CADPS2: variants seen among roughly 807,000 people sequenced by gnomAD.
CADPS2 encodes the protein calcium dependent secretion activator 2.
In CADPS2, 93 loss-of-function variants were observed where a neutral mutation model predicts 172.5. The ratio of observed to expected loss-of-function variants is 0.54; its 90% CI spans 0.46 to 0.64. The LOEUF is 0.64. Ranked by LOEUF, CADPS2 falls within the 30% of genes least tolerant of loss-of-function variation. The pLI is 0.00. For synonymous variants in CADPS2, 546 were observed against 555.2 expected (o/e 0.98, Z 0.23); for missense variants, 1,420 against 1,565.9 (o/e 0.91, Z 1.57).
chr7:122,698,813 C>T (rs763907543), intron 2 of CADPS2: 1 of 1,613,770 alleles, frequency 6.2e-7, no homozygotes, highest in Non-Finnish European at 8.5e-7. Flanking sequence ...ATCCAAACAA[C>T]ACTTGCTCTG....
At chr7:122,801,487 C>G (rs1396354518) in intron 1 of CADPS2, among the ~76,000 whole-genome samples, 1 of 152,146 alleles carries the variant, frequency 6.6e-6, no homozygotes, top group East Asian at 1.9e-4. Flanking sequence ...GAACAGTATT[C>G]AAGGTCCTTC....
intron 1 of CADPS2, among the ~76,000 whole-genome samples, chr7:122,836,310 A>G (rs1584784935): frequency 6.6e-6 from 1 of 152,350 alleles, no homozygotes; most frequent in East Asian, 1.9e-4. Context: ...AAACAGCACC[A>G]GCCACTGCAA....
chr7:122,622,500 T>C (rs1013736936), intron 4 of CADPS2, among the ~76,000 whole-genome samples: 1 of 152,300 alleles, frequency 6.6e-6, no homozygotes, highest in Non-Finnish European at 1.5e-5. Flanking sequence ...AAAAGGATGT[T>C]CCAAATATTG....
intron 14 of CADPS2, among the ~76,000 whole-genome samples, chr7:122,468,396 G>A (rs762034094): frequency 1.3e-5 from 2 of 152,156 alleles, no homozygotes; most frequent in Non-Finnish European, 2.9e-5. Flanking sequence ...CTCACAAGGA[G>A]AGGTTGCCAA....
Position 122,656,244 on chromosome 7 carries a change from A to G in CADPS2, c.786+6993T>C, listed in dbSNP as rs139012080. Among the ~76,000 whole-genome samples, 521 of 152,260 alleles carry G rather than the reference A, an allele frequency of 3.4e-3. 1 individual carries two copies. Among genetic ancestry groups the G allele is most frequent in the African/African-American group, 0.012 (498 of 41,556 alleles). On this transcript the variant is annotated intron_variant, in intron 3 of 29. Transcript: ENST00000449022. ...ACAAAGTTCTAATAGTGAGGATCCA[A>G]AAAAGATCCCTGTATGGCCATGGCA...
intron 7 of CADPS2, among the ~76,000 whole-genome samples, chr7:122,569,784 G>C (rs569102346): frequency 6.8e-6 from 1 of 146,356 alleles, no homozygotes; most frequent in Admixed American, 6.9e-5. Flanking sequence ...AATGGGGAAA[G>C]GATTCCCTAT....
At chr7:122,808,038 T>C (rs1223587127) in intron 1 of CADPS2, among the ~76,000 whole-genome samples, 1 of 152,216 alleles carries the variant, frequency 6.6e-6, no homozygotes, top group Non-Finnish European at 1.5e-5. Context: ...CAACATATTC[T>C]GAAGCCTCAG....
chr7:122,822,909 G>A (rs866077068), intron 1 of CADPS2, among the ~76,000 whole-genome samples: 7 of 151,154 alleles, frequency 4.6e-5, no homozygotes, highest in African/African-American at 7.3e-5. Context: ...CTCTCTTTTC[G>A]GACTCACCCC....
intron 1 of CADPS2, among the ~76,000 whole-genome samples, chr7:122,783,948 CT>C (rs1383968984): frequency 6.6e-6 from 1 of 152,158 alleles, no homozygotes; most frequent in Non-Finnish European, 1.5e-5. Flanking sequence ...GCGGCTATTA[CT>C]ATAACTATCT....
chr7:122,777,403 T>A (rs1222396065), intron 1 of CADPS2, among the ~76,000 whole-genome samples: 1 of 152,122 alleles, frequency 6.6e-6, no homozygotes, highest in Non-Finnish European at 1.5e-5. Context: ...AGGCGACACC[T>A]TGTAACTTTA....
At chr7:122,471,144 C>T (rs7777602) in intron 14 of CADPS2, among the ~76,000 whole-genome samples, 48 of 151,712 alleles carry the variant, frequency 3.2e-4, no homozygotes, top group East Asian at 1.2e-3. Flanking sequence ...CATATTTTTT[C>T]TCTCTCTCTC....
chr7:122,513,007 G>A (rs1172007614), intron 9 of CADPS2, among the ~76,000 whole-genome samples: 1 of 152,116 alleles, frequency 6.6e-6, no homozygotes, highest in African/African-American at 2.4e-5. Flanking sequence ...TTAAGCCAGA[G>A]GGTAAAGAGT....
intron 3 of CADPS2, among the ~76,000 whole-genome samples, chr7:122,661,760 A>G (rs1249888672): frequency 6.6e-6 from 1 of 152,162 alleles, no homozygotes; most frequent in Non-Finnish European, 1.5e-5. Flanking sequence ...ATTCCCTAAT[A>G]CCTACAGAGG....
intron 13 of CADPS2, among the ~76,000 whole-genome samples, chr7:122,473,591 T>C (rs1008822341): frequency 6.6e-6 from 1 of 152,212 alleles, no homozygotes; most frequent in African/African-American, 2.4e-5. Flanking sequence ...ACCTGTACTA[T>C]GCTCAGTGTC....
At chr7:122,747,387 C>T (rs1226695069) in intron 1 of CADPS2, among the ~76,000 whole-genome samples, 1 of 152,052 alleles carries the variant, frequency 6.6e-6, no homozygotes, top group African/African-American at 2.4e-5. Context: ...AATTTCTACC[C>T]AACGCTTTTC....
At chr7:122,753,378 C>A (rs1249563011) in intron 1 of CADPS2, among the ~76,000 whole-genome samples, 1 of 152,116 alleles carries the variant, frequency 6.6e-6, no homozygotes, top group Non-Finnish European at 1.5e-5. Flanking sequence ...TTTTTTAAAG[C>A]AATAACTGCC....
chr7:122,810,313 G>C (rs549392063), intron 1 of CADPS2, among the ~76,000 whole-genome samples: 1 of 152,196 alleles, frequency 6.6e-6, no homozygotes. Flanking sequence ...CCACCCCTTG[G>C]AAGATCCATT....
chr7:122,697,702 C>A (rs775788651), intron 2 of CADPS2: 1 of 1,023,040 alleles, frequency 9.8e-7, no homozygotes, highest in Non-Finnish European at 1.4e-6. Flanking sequence ...GACACAAAAA[C>A]CACACTTCAA....
intron 3 of CADPS2, among the ~76,000 whole-genome samples, chr7:122,652,296 A>T (rs1261341417): frequency 6.6e-6 from 1 of 152,148 alleles, no homozygotes; most frequent in Non-Finnish European, 1.5e-5. Flanking sequence ...TGGGTTAACT[A>T]ATTAATTTGA....
Sources: gnomAD v4.1 joint callset for allele counts (sites outside exome capture counted in the v4.1 genomes callset) on GRCh38, gnomAD v4.1.1 for gene constraint, MANE v1.5 for transcripts, NCBI Gene and HGNC (gene_info 2026-07-23, HGNC 2026-07-21) for gene names.